ENTREP2: variants seen among roughly 807,000 people sequenced by gnomAD.
The protein encoded by ENTREP2 is endosomal transmembrane epsin interactor 2.
chr15:29,197,595 G>A, the ENTREP2 span, among the ~76,000 whole-genome samples: 4 of 152,042 alleles, frequency 2.6e-5, no homozygotes, highest in Admixed American at 2.0e-4. Flanking sequence ...GTGAAACCCC[G>A]TCTCTACTAA....
At chr15:29,608,192 A>G in the ENTREP2 span, among the ~76,000 whole-genome samples, 1 of 152,136 alleles carries the variant, frequency 6.6e-6, no homozygotes, top group Non-Finnish European at 1.5e-5. Context: ...TCACAGACAC[A>G]CCCAGGATCA....
chr15:29,405,630 G>A, the ENTREP2 span, among the ~76,000 whole-genome samples: 3 of 152,168 alleles, frequency 2.0e-5, no homozygotes, highest in East Asian at 5.8e-4. Context: ...ACGGGGCTAC[G>A]GCACCAGCAC....
the ENTREP2 span, among the ~76,000 whole-genome samples, chr15:29,644,880 AG>A: frequency 3.5e-4 from 53 of 152,110 alleles, no homozygotes; most frequent in African/African-American, 1.2e-3. Context: ...AATAAAAAAA[AG>A]AAGTGGGTCC....
chr15:29,215,407 C>G, the ENTREP2 span, among the ~76,000 whole-genome samples: 2 of 151,992 alleles, frequency 1.3e-5, no homozygotes, highest in African/African-American at 2.4e-5. Flanking sequence ...ACTGGCCTAG[C>G]CTCCCAGCCT....
chr15:29,654,058 C>T, the ENTREP2 span, among the ~76,000 whole-genome samples: 1 of 152,136 alleles, frequency 6.6e-6, no homozygotes, highest in African/African-American at 2.4e-5. Context: ...TATAGCTATA[C>T]TTATCTTAAA....
At chr15:29,602,001 G>A in the ENTREP2 span, among the ~76,000 whole-genome samples, 3 of 152,196 alleles carry the variant, frequency 2.0e-5, no homozygotes, top group Non-Finnish European at 4.4e-5. Context: ...TGTGCTCCAT[G>A]CAATGACTCA....
chr15:29,350,712 T>C, the ENTREP2 span, among the ~76,000 whole-genome samples: 1 of 151,872 alleles, frequency 6.6e-6, no homozygotes, highest in African/African-American at 2.4e-5. Flanking sequence ...GGAGGCCGAG[T>C]TGGGTGGATT....
the ENTREP2 span, among the ~76,000 whole-genome samples, chr15:29,651,638 A>T: frequency 6.6e-6 from 1 of 152,152 alleles, no homozygotes; most frequent in Non-Finnish European, 1.5e-5. Flanking sequence ...GCCTCTTCCC[A>T]GCTCAGCACC....
chr15:29,448,440 TCTGA>T, the ENTREP2 span, among the ~76,000 whole-genome samples: 1 of 152,230 alleles, frequency 6.6e-6, no homozygotes, highest in Non-Finnish European at 1.5e-5. Flanking sequence ...CCAGGACAGC[TCTGA>T]CTGCCTGTTG....
chr15:29,642,554 C>CAT, the ENTREP2 span, among the ~76,000 whole-genome samples: 21 of 147,444 alleles, frequency 1.4e-4, no homozygotes, highest in East Asian at 3.9e-4. Context: ...CATATATACA[C>CAT]ATATATATAC....
the ENTREP2 span, among the ~76,000 whole-genome samples, chr15:29,356,545 T>C: frequency 6.6e-6 from 1 of 151,590 alleles, no homozygotes; most frequent in Non-Finnish European, 1.5e-5. Flanking sequence ...GACCTCGTGA[T>C]CCGCCCGCCT....
chr15:29,129,887 T>C, the ENTREP2 span, among the ~76,000 whole-genome samples: 1 of 152,206 alleles, frequency 6.6e-6, no homozygotes, highest in African/African-American at 2.4e-5. Context: ...AAACAATTTT[T>C]TGAATCCCTG....
At chr15:29,611,658 C>T in the ENTREP2 span, among the ~76,000 whole-genome samples, 3 of 152,048 alleles carry the variant, frequency 2.0e-5, no homozygotes, top group Non-Finnish European at 1.5e-5. Context: ...ATCCAATTCC[C>T]GATTTTCCTT....
the ENTREP2 span, among the ~76,000 whole-genome samples, chr15:29,422,276 A>G: frequency 6.6e-6 from 1 of 152,024 alleles, no homozygotes. Flanking sequence ...GTGTCAAAAA[A>G]AAAGAAAAAA....
At chr15:29,446,494 A>G in the ENTREP2 span, among the ~76,000 whole-genome samples, 1 of 152,190 alleles carries the variant, frequency 6.6e-6, no homozygotes, top group African/African-American at 2.4e-5. Flanking sequence ...TCCTGAGACA[A>G]TACGCACAGA....
the ENTREP2 span, chr15:29,268,585 A>T: frequency 2.0e-6 from 1 of 489,234 alleles, no homozygotes; most frequent in Non-Finnish European, 3.4e-6. Flanking sequence ...AAATCAAAAC[A>T]AATGCTCCTT....
At chr15:29,640,000 G>A in the ENTREP2 span, among the ~76,000 whole-genome samples, 9,980 of 152,040 alleles carry the variant, frequency 0.066, 348 homozygotes, top group Non-Finnish European at 0.074. Context: ...AACTCCTGAC[G>A]TCAGGCAGTC....
At chr15:29,423,654 C>G in the ENTREP2 span, among the ~76,000 whole-genome samples, 1 of 150,434 alleles carries the variant, frequency 6.6e-6, no homozygotes, top group African/African-American at 2.4e-5. Context: ...AAAAATTAGC[C>G]GGACGACGTG....
chr15:29,398,275 A>G, the ENTREP2 span, among the ~76,000 whole-genome samples: 3 of 151,882 alleles, frequency 2.0e-5, no homozygotes, highest in Non-Finnish European at 4.4e-5. Context: ...AACAGAATTC[A>G]GCAGTACATT....
Sources: gnomAD v4.1 joint callset for allele counts (sites outside exome capture counted in the v4.1 genomes callset) on GRCh38, gnomAD v4.1.1 for gene constraint, MANE v1.5 for transcripts, NCBI Gene and HGNC (gene_info 2026-07-23, HGNC 2026-07-21) for gene names.